Variants in DCLK1 observed in about 807,000 individuals in gnomAD.
DCLK1 encodes serine/threonine-protein kinase DCLK1.
A neutral mutation model predicts 86.2 loss-of-function variants in DCLK1; 16 were observed. That is an observed-to-expected ratio of 0.19 (90% CI 0.13 to 0.28). DCLK1 has a LOEUF of 0.28. Among genes scored for constraint, DCLK1 ranks in the 10% least tolerant of loss-of-function variants. The pLI, the probability that DCLK1 is intolerant of heterozygous loss-of-function variation, is 1.00. For synonymous variants in DCLK1, 369 were observed against 370.5 expected, an observed-to-expected ratio of 1.00 and a Z score of 0.05; for missense variants, 590 against 940.2, an observed-to-expected ratio of 0.63 and a Z score of 4.87.
chr13:36,037,717 C>G (rs981340845), intron 3 of DCLK1, among the ~76,000 whole-genome samples: 5 of 152,134 alleles, frequency 3.3e-5, no homozygotes, highest in Admixed American at 3.3e-4. Flanking sequence ...CTCCTGACCT[C>G]AGATGATCTG....
chr13:36,126,140 T>C lies in DCLK1; in HGVS notation c.-3A>G, dbSNP rs1325215455. The C allele has an allele frequency of 1.3e-6, 2 of 1,582,526 alleles. No homozygotes were observed. Among genetic ancestry groups the C allele is most frequent in the South Asian group, 2.3e-5 (2 of 87,494 alleles). On this transcript the variant is annotated 5_prime_UTR_variant, in exon 2 of 17. Coordinates refer to ENST00000360631, the MANE Select transcript of DCLK1 (RefSeq NM_001330071.2). ...TCCATGTCTCTGCCGAAGGACATGA[T>C]GGACTTCAAGTAGGACCTACGAGCC...
chr13:36,129,044 G>A (rs1319870112), intron 1 of DCLK1, among the ~76,000 whole-genome samples: 1 of 152,172 alleles, frequency 6.6e-6, no homozygotes, highest in Non-Finnish European at 1.5e-5. Context: ...ACTCACTTTT[G>A]AAGTTTGTGT....
chr13:35,987,885 G>A (rs1880017725), intron 3 of DCLK1, among the ~76,000 whole-genome samples: 1 of 152,114 alleles, frequency 6.6e-6, no homozygotes, highest in Non-Finnish European at 1.5e-5. Flanking sequence ...AACATTTCTA[G>A]AGCTTTTATG....
intron 6 of DCLK1, among the ~76,000 whole-genome samples, chr13:35,844,377 A>T (rs539475320): frequency 6.6e-6 from 1 of 152,312 alleles, no homozygotes; most frequent in Admixed American, 6.5e-5. Context: ...AGACAAATGC[A>T]CTTAGTTACA....
intron 3 of DCLK1, among the ~76,000 whole-genome samples, chr13:36,035,458 C>T (rs376936037): frequency 6.6e-6 from 1 of 152,070 alleles, no homozygotes; most frequent in African/African-American, 2.4e-5. Flanking sequence ...GTTTATATTG[C>T]TATTAAGTAG....
In DCLK1 at chr13:35,822,756, G is replaced by A; in HGVS notation, c.1527C>T (p.His509=). 1 of 1,614,036 alleles carries A rather than the reference G, an allele frequency of 6.2e-7. No homozygotes were observed. The highest frequency in any genetic ancestry group is 8.5e-7 in the Non-Finnish European group (1 of 1,180,004). ...GCAGGTTCTCTGGCTTGATATCACG[G>A]TGGACGATGTTCAGGCTATGCAGGT... is the stretch of plus-strand genomic sequence containing the variant. The part of the protein sequence containing the change: ...IKYLHSLNIV[H]RDIKPENLLV... Residue 509 remains histidine (H), a synonymous_variant, in exon 11 of 17, where the codon CAC becomes CAT. Coordinates refer to ENST00000360631, the MANE Select transcript of DCLK1 (RefSeq NM_001330071.2).
intron 3 of DCLK1, among the ~76,000 whole-genome samples, chr13:36,011,544 A>T (rs1337404127): frequency 7.0e-6 from 1 of 143,482 alleles, no homozygotes; most frequent in African/African-American, 2.6e-5. Context: ...GCTTTGAGTG[A>T]GATTCTTAAT....
At chr13:35,819,524 CACTT>C (rs1282409147) in intron 11 of DCLK1, among the ~76,000 whole-genome samples, 1 of 152,124 alleles carries the variant, frequency 6.6e-6, no homozygotes. Flanking sequence ...ATTAATCTAA[CACTT>C]AGCTAACAAA....
chr13:35,878,290 C>T (rs1007971361), intron 4 of DCLK1, among the ~76,000 whole-genome samples: 4 of 152,306 alleles, frequency 2.6e-5, no homozygotes, highest in South Asian at 2.1e-4. Context: ...CACATGTAGG[C>T]TTCTTGAGGA....
chr13:35,821,139 G>A (rs1593626038), intron 11 of DCLK1, among the ~76,000 whole-genome samples: 2 of 152,154 alleles, frequency 1.3e-5, no homozygotes, highest in African/African-American at 4.8e-5. Context: ...CCGTGGGCAG[G>A]TCATTTAACT....
chr13:35,904,513 ACT>A (rs1430362872), intron 4 of DCLK1, among the ~76,000 whole-genome samples: 2 of 152,004 alleles, frequency 1.3e-5, no homozygotes, highest in African/African-American at 4.8e-5. Flanking sequence ...TCTTCTAAAG[ACT>A]CTTTAACTGG....
chr13:35,828,871 A>C (rs1001710219), intron 8 of DCLK1, among the ~76,000 whole-genome samples: 1 of 152,110 alleles, frequency 6.6e-6, no homozygotes, highest in African/African-American at 2.4e-5. Flanking sequence ...ATGTTCATGC[A>C]ATTACACTGA....
chr13:35,910,563 T>C (rs975686646), intron 4 of DCLK1, among the ~76,000 whole-genome samples: 1 of 152,240 alleles, frequency 6.6e-6, no homozygotes. Context: ...TCTTAGAACA[T>C]AGAGTTCCTT....
In DCLK1 at chr13:36,070,456, G is replaced by C. The variant is rs528683771; in HGVS notation, c.723+41413C>G. On this transcript the variant is annotated intron_variant, in intron 3 of 16. Transcript: ENST00000360631. ...CCCAAGTCACCCCAGTTTTTGGTCA[G>C]AGAATTTCTATTAGGTTAGGTTAGA... is the stretch of plus-strand genomic sequence containing the variant. Among the ~76,000 whole-genome samples, 180 of 152,246 alleles carry C rather than the reference G, an allele frequency of 1.2e-3. 1 individual carries two copies. The highest frequency in any genetic ancestry group is 4.2e-3 in the African/African-American group (173 of 41,548).
chr13:35,901,909 C>T (rs1313274143), intron 4 of DCLK1, among the ~76,000 whole-genome samples: 1 of 151,366 alleles, frequency 6.6e-6, no homozygotes, highest in Admixed American at 6.6e-5. Context: ...TTTGAGGGAG[C>T]ATTTGTGTGG....
At chr13:35,843,985 A>G (rs1307149835) in intron 6 of DCLK1, among the ~76,000 whole-genome samples, 5 of 152,184 alleles carry the variant, frequency 3.3e-5, no homozygotes, top group African/African-American at 9.6e-5. Flanking sequence ...ACAGAATTCT[A>G]TATGATACAG....
intron 3 of DCLK1, among the ~76,000 whole-genome samples, chr13:36,068,758 A>G (rs1267390625): frequency 6.6e-6 from 1 of 152,104 alleles, no homozygotes; most frequent in African/African-American, 2.4e-5. Flanking sequence ...ATGCAGGGGG[A>G]AAATCCATAA....
At chr13:35,977,802 C>G (rs911316090) in intron 3 of DCLK1, among the ~76,000 whole-genome samples, 1 of 151,662 alleles carries the variant, frequency 6.6e-6, no homozygotes, top group African/African-American at 2.4e-5. Flanking sequence ...CATGTTCAAG[C>G]ACTAACTCCA....
At chr13:35,796,999 G>A (rs1228439742) in intron 15 of DCLK1, among the ~76,000 whole-genome samples, 8 of 152,174 alleles carry the variant, frequency 5.3e-5, no homozygotes, top group African/African-American at 1.9e-4. Context: ...GAAATTCTCT[G>A]TCAAGTGGAG....
Sources: gnomAD v4.1 joint callset for allele counts (sites outside exome capture counted in the v4.1 genomes callset) on GRCh38, gnomAD v4.1.1 for gene constraint, MANE v1.5 for transcripts, NCBI Gene and HGNC (gene_info 2026-07-23, HGNC 2026-07-21) for gene names.